Variants in SPATA13 observed in about 807,000 individuals in gnomAD.
SPATA13 encodes the protein spermatogenesis-associated protein 13.
Under a neutral mutation model 104.0 loss-of-function variants are expected in SPATA13, and 50 were observed. The ratio of observed to expected loss-of-function variants is 0.48; its 90% CI spans 0.38 to 0.61. The LOEUF (loss-of-function observed/expected upper bound fraction) is 0.61, where lower values mean the gene tolerates loss of function less well. SPATA13 is among the 20% of genes least tolerant of loss of function. SPATA13 has a pLI of 0.00. For synonymous variants in SPATA13, 606 were observed against 667.5 expected, an observed-to-expected ratio of 0.91 and a Z score of 1.42; for missense variants, 1,524 against 1,690.6, an observed-to-expected ratio of 0.90 and a Z score of 1.73.
intron 3 of SPATA13, among the ~76,000 whole-genome samples, chr13:24,066,273 A>T (rs930357508): frequency 1.3e-5 from 2 of 152,128 alleles, no homozygotes; most frequent in East Asian, 3.9e-4. Flanking sequence ...ATTCCTTTCC[A>T]GATATGCCCC....
At chr13:24,054,947 C>T (rs1445502464) in intron 3 of SPATA13, among the ~76,000 whole-genome samples, 1 of 152,176 alleles carries the variant, frequency 6.6e-6, no homozygotes, top group South Asian at 2.1e-4. Context: ...AGCTAGCTAC[C>T]TTTCAGAAGC....
intron 3 of SPATA13, among the ~76,000 whole-genome samples, chr13:24,101,096 G>A (rs1880243077): frequency 6.6e-6 from 1 of 152,174 alleles, no homozygotes; most frequent in Non-Finnish European, 1.5e-5. Flanking sequence ...ACTTGAGTGT[G>A]CAGGGGAAGC....
At chr13:24,274,642 C>T (rs1210435541) in intron 4 of SPATA13, among the ~76,000 whole-genome samples, 1 of 152,244 alleles carries the variant, frequency 6.6e-6, no homozygotes, top group Non-Finnish European at 1.5e-5. Flanking sequence ...ACACGAGCTG[C>T]CCGCCTGGGC....
At position 23,983,813 on chromosome 13, in the gene SPATA13, A is replaced by T. The variant is rs117920968; in HGVS notation, c.-267A>T. The T allele has an allele frequency of 2.2e-3, 2,037 of 908,296 alleles. 6 individuals are homozygous for T. Among genetic ancestry groups the T allele is most frequent in the Middle Eastern group, 3.4e-3 (6 of 1,760 alleles). The allele number at this position is 908,296 out of a possible 1,614,324, so 56.3% of individuals were successfully genotyped here. ...GTGACCTGTCTATCTGCATTTTTTG[A>T]GCTGCAGAGTGATGGGAGTCATATT... is the stretch of plus-strand genomic sequence containing the variant. On this transcript the variant is annotated 5_prime_UTR_variant, in exon 2 of 15. Transcript: ENST00000424834.
intron 2 of SPATA13, among the ~76,000 whole-genome samples, chr13:23,989,036 G>A (rs1203622658): frequency 6.6e-6 from 1 of 152,180 alleles, no homozygotes; most frequent in Non-Finnish European, 1.5e-5. Flanking sequence ...GTCCAGTGCA[G>A]TAGTCCATTT....
intron 3 of SPATA13, among the ~76,000 whole-genome samples, chr13:24,032,969 T>C (rs1171371006): frequency 3.3e-5 from 5 of 152,256 alleles, no homozygotes; most frequent in Non-Finnish European, 4.4e-5. Flanking sequence ...TCACTCATTT[T>C]GGGTAGATTG....
intron 1 of SPATA13, among the ~76,000 whole-genome samples, chr13:24,214,453 T>G (rs548652894): frequency 3.7e-4 from 56 of 152,350 alleles, no homozygotes; most frequent in South Asian, 1.4e-3. Context: ...CTCTTTACAA[T>G]GCATGTGCTT....
intron 2 of SPATA13, among the ~76,000 whole-genome samples, chr13:23,991,073 C>CTTA (rs1472262927): frequency 6.6e-6 from 1 of 152,208 alleles, no homozygotes; most frequent in East Asian, 1.9e-4. Flanking sequence ...CAGACACCTG[C>CTTA]TTAACTGTCC....
chr13:23,990,129 C>T (rs150349345), intron 2 of SPATA13, among the ~76,000 whole-genome samples: 12 of 152,308 alleles, frequency 7.9e-5, no homozygotes, highest in Middle Eastern at 3.4e-3. Context: ...ACCTGGTCAC[C>T]ACCATCTTGT....
intron 1 of SPATA13, among the ~76,000 whole-genome samples, chr13:24,193,243 G>A (rs895459392): frequency 2.0e-5 from 3 of 152,122 alleles, no homozygotes; most frequent in Non-Finnish European, 4.4e-5. Flanking sequence ...TGAGGAAGGG[G>A]AGTTGCAGGG....
intron 3 of SPATA13, among the ~76,000 whole-genome samples, chr13:24,062,956 A>G (rs756441564): frequency 2.0e-5 from 3 of 152,170 alleles, no homozygotes; most frequent in Non-Finnish European, 2.9e-5. Context: ...CCAAGTTCGC[A>G]CAGCCAAAGT....
At chr13:24,235,441 C>T (rs1872521614) in intron 2 of SPATA13, among the ~76,000 whole-genome samples, 1 of 152,192 alleles carries the variant, frequency 6.6e-6, no homozygotes, top group South Asian at 2.1e-4. Context: ...CTTGTAAAAA[C>T]TTTTCAAGCA....
chr13:24,287,947 C>A (rs529291445), intron 7 of SPATA13, among the ~76,000 whole-genome samples: 1 of 152,220 alleles, frequency 6.6e-6, no homozygotes, highest in Admixed American at 6.5e-5. Flanking sequence ...GTGCTGAAGA[C>A]AGGTTGAAGT....
chr13:23,981,041 A>G (rs1476173021), intron 1 of SPATA13, among the ~76,000 whole-genome samples: 2 of 152,234 alleles, frequency 1.3e-5, no homozygotes, highest in Non-Finnish European at 2.9e-5. Context: ...CAAACATACT[A>G]ACCAAAAACA....
chr13:24,130,072 G>T (rs1173586511), intron 3 of SPATA13, among the ~76,000 whole-genome samples: 1 of 152,208 alleles, frequency 6.6e-6, no homozygotes, highest in Non-Finnish European at 1.5e-5. Flanking sequence ...TTTTCTTTCT[G>T]CCCAGAGTGG....
intron 4 of SPATA13, chr13:24,278,864 C>T (rs1189739351): frequency 6.5e-7 from 1 of 1,532,236 alleles, no homozygotes; most frequent in South Asian, 1.2e-5. Context: ...AGTCCACATG[C>T]TGTTTTTCTT....
rs78236964 is a variant in SPATA13 at position 24,039,935 on chromosome 13, G to A, written c.-112+22234G>A. On this transcript the variant is annotated intron_variant, in intron 3 of 14. Transcript: ENST00000424834. ...CCCTTCTTGGGCCACTCACTCCTGT[G>A]TATGGTGAGGGCCTTTCTGAGTGGT... 7.9e-3 allele frequency among the ~76,000 whole-genome samples: 1,210 copies of A among 152,326 alleles called. 6 individuals carry two copies. Among genetic ancestry groups the A allele is most frequent in the Non-Finnish European group, 0.012 (828 of 68,034 alleles).
chr13:24,098,855 A>C (rs1880166690), intron 3 of SPATA13, among the ~76,000 whole-genome samples: 1 of 145,604 alleles, frequency 6.9e-6, no homozygotes, highest in African/African-American at 2.6e-5. Flanking sequence ...TGAGCCCAGG[A>C]GGTGGAGGTT....
Position 24,007,230 on chromosome 13 carries a change from C to A in SPATA13, c.-146-10437C>A, listed in dbSNP as rs143340907. Among the ~76,000 whole-genome samples, 751 of 152,272 alleles carry A rather than the reference C, an allele frequency of 4.9e-3. 8 individuals are homozygous for A. The highest frequency in any genetic ancestry group is 8.3e-3 in the Non-Finnish European group (568 of 68,036). ...GCCCTCTGCAGAGTTTAATACCCTT[C>A]TGCTGAGTGACATGTTTAGGGCCAG... On this transcript the variant is annotated intron_variant, in intron 2 of 14. Transcript: ENST00000424834.
Sources: gnomAD v4.1 joint callset for allele counts (sites outside exome capture counted in the v4.1 genomes callset) on GRCh38, gnomAD v4.1.1 for gene constraint, MANE v1.5 for transcripts, NCBI Gene and HGNC (gene_info 2026-07-23, HGNC 2026-07-21) for gene names.